BRF1: variants seen among roughly 807,000 people sequenced by gnomAD.
BRF1 encodes the protein BRF1 general transcription factor IIIB subunit, also known as transcription factor IIIB 90 kDa subunit.
A neutral mutation model predicts 81.7 loss-of-function variants in BRF1; 59 were observed. The ratio of observed to expected loss-of-function variants is 0.72; its 90% CI spans 0.59 to 0.90. The LOEUF (loss-of-function observed/expected upper bound fraction) is 0.90, where lower values mean the gene tolerates loss of function less well. Among genes scored for constraint, BRF1 ranks in the 40% least tolerant of loss-of-function variants. The probability of loss-of-function intolerance (pLI) is 0.00; values close to 1 mark genes in which losing one functional copy is unlikely to be tolerated. For missense variants in BRF1, 1,050 were observed against 936.3 expected, an observed-to-expected ratio of 1.12 and a Z score of -1.58; for synonymous variants, 491 against 395.6, an observed-to-expected ratio of 1.24 and a Z score of -2.86.
At chr14:105,296,807 A>G (rs2057765977) in intron 1 of BRF1, among the ~76,000 whole-genome samples, 1 of 152,224 alleles carries the variant, frequency 6.6e-6, no homozygotes, top group South Asian at 2.1e-4. Context: ...TGAAAACTAA[A>G]TTAAAAAAAT....
In BRF1 at chr14:105,300,620, G is replaced by A. The variant is rs1204768321; in HGVS notation, c.10C>T (p.Arg4Cys). 7.9e-6 allele frequency: 11 copies of A among 1,400,388 alleles called. No individual in the cohort carries two copies. Among genetic ancestry groups the A allele is most frequent in the Non-Finnish European group, 1.0e-5 (11 of 1,085,678 alleles). The allele number at this position is 1,400,388 out of a possible 1,614,324, so 86.7% of individuals were successfully genotyped here. The change falls in exon 1 of 18, where the codon CGC becomes TGC. Residue 4 changes from arginine (R) to cysteine (C), a missense_variant. By Grantham distance (180) the Arg-to-Cys change is radical (BLOSUM62 -3). This residue lies in a region of BRF1 where 7 missense variants were observed against 20.9 expected (regional missense o/e 0.33). Coordinates refer to ENST00000547530, the MANE Select transcript of BRF1 (RefSeq NM_001519.4). ...GTGCCGCCGCAACCGCGGCACACGC[G>A]GCCCGTCATGCCGGCGACCGCGCGG... MTG[R>C]VCRGCGGTDI...
At chr14:105,259,168 G>GTC (rs1256444031) in intron 3 of BRF1, among the ~76,000 whole-genome samples, 1 of 152,138 alleles carries the variant, frequency 6.6e-6, no homozygotes, top group Non-Finnish European at 1.5e-5. Flanking sequence ...TGTCAGCCAG[G>GTC]TGCAGTGGCT....
chr14:105,290,957 A>C (rs587655271), intron 1 of BRF1, among the ~76,000 whole-genome samples: 2 of 151,890 alleles, frequency 1.3e-5, no homozygotes, highest in East Asian at 1.9e-4. Flanking sequence ...ACCTCAGAAC[A>C]CTAACCCACA....
At chr14:105,292,246 C>G (rs1183659204) in intron 1 of BRF1, among the ~76,000 whole-genome samples, 1 of 152,070 alleles carries the variant, frequency 6.6e-6, no homozygotes, top group Non-Finnish European at 1.5e-5. Flanking sequence ...TGTAATGGCA[C>G]GATCTTGGCT....
chr14:105,265,621 G>A (rs919423949), intron 3 of BRF1, among the ~76,000 whole-genome samples: 3 of 152,084 alleles, frequency 2.0e-5, no homozygotes, highest in Admixed American at 6.6e-5. Context: ...CATGGGCCAG[G>A]CATAGTGGCT....
chr14:105,250,863 G>A lies in BRF1; in HGVS notation c.544+1644C>T, dbSNP rs76764869. 4.7e-3 allele frequency: 3,037 copies of A among 642,380 alleles called. 67 individuals are homozygous for A. The African/African-American group carries it at 0.05, about 11-fold the overall frequency. 39.8% of individuals were successfully genotyped at this position (642,380 alleles called of 1,614,324 possible). A position where few individuals can be genotyped will look rare whatever the true frequency, so the allele number is the denominator to read the frequency against. Reference sequence around the variant, plus strand: ...GGGATTGGAGTCTTAGGCATCTCTGGTACAGTGGGGTGCACGTCTCAGGTG... The same window carrying A: ...GGGATTGGAGTCTTAGGCATCTCTGATACAGTGGGGTGCACGTCTCAGGTG... On this transcript the variant is annotated intron_variant, in intron 5 of 17. Transcript: ENST00000547530.
intron 10 of BRF1, chr14:105,222,660 G>T (rs375799545): frequency 6.7e-6 from 1 of 150,240 alleles, no homozygotes; most frequent in African/African-American, 2.5e-5. Context: ...ACGGAGTCTC[G>T]CTCTGTCGCC....
In BRF1 at chr14:105,217,601, C is replaced by G. The variant is rs746602408; in HGVS notation, c.1715G>C (p.Arg572Pro). 1.2e-6 allele frequency: 2 copies of G among 1,613,484 alleles called. No individual in the cohort carries two copies. The highest frequency in any genetic ancestry group is 3.3e-5 in the Admixed American group (2 of 60,032). ...ACTTCTGCTGGCCGGCGTCCTCCTT[C>G]GTGACAGCTTCCTGGCACTGGCGCT... The part of the protein sequence containing the change: ...EHSASARKLS[R>P]RRTPASRSGA... Residue 572 changes from arginine (R) to proline (P), a missense_variant, in exon 15 of 18, where the codon CGA becomes CCA. Arg to Pro is a moderately radical substitution (Grantham distance 103). Around this residue, in one of 2 missense-constraint regions of BRF1, gnomAD observed 1,043 missense variants for 915.4 expected, o/e 1.14. Coordinates refer to ENST00000547530, the MANE Select transcript of BRF1 (RefSeq NM_001519.4).
chr14:105,215,369 T>C (rs775140228), intron 15 of BRF1, among the ~76,000 whole-genome samples: 2 of 144,558 alleles, frequency 1.4e-5, no homozygotes, highest in Non-Finnish European at 3.0e-5. Context: ...GAGAGACACA[T>C]AGGCGTGCAC....
rs1376362454 is a variant in BRF1, at chr14:105,210,683, A to G, written c.1997-95T>C. ...CCTGTTCCTGGTGCCCCCCTAGAAG[A>G]CTCAGGCTCCAGCCCCAGCCCCAGC... On this transcript the variant is annotated intron_variant, in intron 17 of 17. Coordinates refer to ENST00000547530, the MANE Select transcript of BRF1 (RefSeq NM_001519.4). This position sits in a 1 kb window ranked among gnomAD's most constrained non-coding sequence, Gnocchi z 4.7. The G allele has an allele frequency of 2.1e-6, 3 of 1,406,070 alleles. No homozygotes were observed. The highest frequency in any genetic ancestry group is 1.8e-4 in the Middle Eastern group (1 of 5,450). The allele number at this position is 1,406,070 out of a possible 1,614,324, so 87.1% of individuals were successfully genotyped here.
intron 10 of BRF1, among the ~76,000 whole-genome samples, chr14:105,225,469 C>T (rs1437328292): frequency 6.6e-6 from 1 of 152,154 alleles, no homozygotes; most frequent in Admixed American, 6.5e-5. Context: ...AACATCAAAA[C>T]ACAGATCTGA....
chr14:105,226,755 G>T lies in BRF1; in HGVS notation c.794C>A (p.Thr265Lys). 4 of 1,613,522 alleles carry T rather than the reference G, an allele frequency of 2.5e-6. No homozygotes were observed. The highest frequency in any genetic ancestry group is 3.4e-6 in the Non-Finnish European group (4 of 1,179,998). Residue 265 changes from threonine (T) to lysine (K), a missense_variant, in exon 8 of 18, where the codon ACG becomes AAG. Transcript: ENST00000547530. ...ACTGGTGGGGGTGTCTTCAAATTCC[G>T]TGAGCCTAAAATGGAGCCAGACATG... is the stretch of plus-strand genomic sequence containing the variant. ...VCESTLRKRL[T>K]EFEDTPTSQL...
At chr14:105,216,417 ACCT>A (rs1384401641) in intron 15 of BRF1, among the ~76,000 whole-genome samples, 2 of 152,216 alleles carry the variant, frequency 1.3e-5, no homozygotes, top group East Asian at 1.9e-4. Context: ...TGCCCCACTG[ACCT>A]CCTACGCATG....
At position 105,217,559 on chromosome 14, in the gene BRF1, G is replaced by T. The variant is rs969467132; in HGVS notation, c.1757C>A (p.Thr586Asn). The T allele has an allele frequency of 3.1e-6, 5 of 1,613,370 alleles. No homozygotes were observed. The highest frequency in any genetic ancestry group is 3.4e-6 in the Non-Finnish European group (4 of 1,179,914). ...AGGATGGTACCTTTTCCCCACACTG[G>T]TCACAGGGTCAGCCCCACTTCTGCT... ...PASRSGADPV[T>N]SVGKRLRPLV... Residue 586 changes from threonine to asparagine, a missense_variant, in exon 15 of 18, where the codon ACC (threonine) becomes AAC (asparagine). Thr to Asn is a moderately conservative substitution (Grantham distance 65). This residue lies in a region of BRF1 where 1,043 missense variants were observed against 915.4 expected (regional missense o/e 1.14). Coordinates refer to ENST00000547530, the MANE Select transcript of BRF1 (RefSeq NM_001519.4).
chr14:105,310,240 A>AC (rs1011973629), intron 1 of BRF1, among the ~76,000 whole-genome samples: 1 of 150,832 alleles, frequency 6.6e-6, no homozygotes, highest in Non-Finnish European at 1.5e-5. Context: ...TAAGAATGTT[A>AC]CCCTAGTGAG....
intron 1 of BRF1, among the ~76,000 whole-genome samples, chr14:105,306,311 GTTTTGTTTTT>G (rs1348048110): frequency 6.6e-6 from 1 of 151,912 alleles, no homozygotes; most frequent in Non-Finnish European, 1.5e-5. Context: ...GTTTTGTTTT[GTTTTGTTTTT>G]GAGACACAGT....
rs587701051 is a variant in BRF1 at position 105,255,537 on chromosome 14, A to G, written c.471+981T>C. Among the ~76,000 whole-genome samples, 9 of 152,312 alleles carry G rather than the reference A, an allele frequency of 5.9e-5. No homozygotes were observed. The South Asian group carries it at 1.9e-3, about 32-fold the overall frequency. ...CTGGATCTGGACAGAGCTCCCTTTG[A>G]GGAGTGAAATCTACATGAATTCTGC... is the stretch of plus-strand genomic sequence containing the variant. On this transcript the variant is annotated intron_variant, in intron 4 of 17. Coordinates refer to ENST00000547530, the MANE Select transcript of BRF1 (RefSeq NM_001519.4).
In BRF1 at chr14:105,284,215, T is replaced by C. The variant is rs1483614981; in HGVS notation, c.265+2081A>G. On this transcript the variant is annotated intron_variant, in intron 2 of 17. Transcript: ENST00000547530. The surrounding 1 kb of genome is among the most constrained non-coding windows in gnomAD (Gnocchi z 4.0). ...CACGGCTCGAAGCATTTCCGAAGACTGAAATCACACAGAGGGTGCTCTCTA... is the reference window on the plus strand; with the variant it reads ...CACGGCTCGAAGCATTTCCGAAGACCGAAATCACACAGAGGGTGCTCTCTA... 6.6e-6 allele frequency among the ~76,000 whole-genome samples: 1 copy of C among 152,014 alleles called. No homozygotes were observed. Among genetic ancestry groups the C allele is most frequent in the Non-Finnish European group, 1.5e-5 (1 of 68,008 alleles).
chr14:105,216,327 G>A (rs74846969), intron 15 of BRF1, among the ~76,000 whole-genome samples: 2 of 152,170 alleles, frequency 1.3e-5, no homozygotes, highest in African/African-American at 2.4e-5. Context: ...CAGAGGACAC[G>A]GAGACTAAAG....
Sources: allele counts gnomAD v4.1 joint callset (sites outside exome capture counted in the v4.1 genomes callset), GRCh38; gene constraint gnomAD v4.1.1; regional missense constraint gnomAD v4.1.1; non-coding constraint Gnocchi (gnomAD v3.1); transcripts MANE v1.5; gene names NCBI Gene and HGNC (gene_info 2026-07-23, HGNC 2026-07-21).